Variants in COX7A2L observed in about 807,000 individuals in gnomAD.
COX7A2L encodes the protein cytochrome c oxidase subunit 7A2 like.
A neutral mutation model predicts 14.2 loss-of-function variants in COX7A2L; 18 were observed. The ratio of observed to expected loss-of-function variants is 1.27; its 90% CI spans 0.88 to 1.88. The LOEUF is 1.88. Ranked by LOEUF, COX7A2L falls within the 40% of genes most tolerant of loss-of-function variation. The pLI is 0.00. For missense variants in COX7A2L, 179 were observed against 138.8 expected (o/e 1.29, Z -1.46); for synonymous variants, 65 against 57.4 (o/e 1.13, Z -0.60).
chr2:42,363,602 G>A (rs1434241631), upstream of COX7A2L, among the ~76,000 whole-genome samples: 1 of 152,254 alleles, frequency 6.6e-6, no homozygotes, highest in Non-Finnish European at 1.5e-5. Context: ...CAGTAGCAGA[G>A]TGTGGGTTGG....
intron 1 of COX7A2L, among the ~76,000 whole-genome samples, chr2:42,367,360 G>A (rs746746012): frequency 1.3e-5 from 2 of 152,290 alleles, no homozygotes; most frequent in African/African-American, 4.8e-5. Context: ...AGGTACCAGC[G>A]TGTGTCCACT....
Position 42,335,682 on chromosome 2 carries a change from G to A in COX7A2L, c.193-1813C>T, listed in dbSNP as rs541324559. 3.2e-4 allele frequency among the ~76,000 whole-genome samples: 49 copies of A among 152,354 alleles called. No homozygotes were observed. In the East Asian group the frequency reaches 8.5e-3, roughly 26 times the overall value. ...CTGGCTGAGTTACGAGTTGAAGCCA[G>A]GTACTCCCGCCTCCGGAGTCCGTGC... On this transcript the variant is annotated intron_variant, in intron 2 of 2. Coordinates refer to the COX7A2L transcript ENST00000468711.
upstream of COX7A2L, among the ~76,000 whole-genome samples, chr2:42,362,298 A>T (rs1671075893): frequency 6.6e-6 from 1 of 152,164 alleles, no homozygotes; most frequent in African/African-American, 2.4e-5. Context: ...CCAGGGATGG[A>T]CTCAGGCTTT....
At chr2:42,354,625 C>T (rs1255297928) in intron 1 of COX7A2L, among the ~76,000 whole-genome samples, 2 of 152,154 alleles carry the variant, frequency 1.3e-5, no homozygotes, top group African/African-American at 4.8e-5. Flanking sequence ...TCCCACCAGG[C>T]AAGCACTAGA....
chr2:42,353,963 A>G (rs772479449), intron 1 of COX7A2L, among the ~76,000 whole-genome samples: 7 of 152,230 alleles, frequency 4.6e-5, no homozygotes, highest in Non-Finnish European at 1.0e-4. Context: ...CCTCTAAAAC[A>G]TTACGCTGAG....
At chr2:42,355,046 T>G (rs927073133) in intron 1 of COX7A2L, among the ~76,000 whole-genome samples, 10 of 152,206 alleles carry the variant, frequency 6.6e-5, no homozygotes, top group Non-Finnish European at 1.3e-4. Context: ...CAGGCCTTTC[T>G]CAAGTCCAGA....
intron 2 of COX7A2L, chr2:42,352,940 C>CAATTATTG: frequency 6.1e-6 from 3 of 494,088 alleles, no homozygotes. Context: ...ATTGCTTCTT[C>CAATTATTG]CATGCAATAA....
chr2:42,367,551 T>G (rs1029062932), intron 1 of COX7A2L, among the ~76,000 whole-genome samples: 35 of 152,204 alleles, frequency 2.3e-4, no homozygotes, highest in Non-Finnish European at 1.2e-4. Flanking sequence ...AATCTCCTCC[T>G]TAAAAGAAAG....
rs1259992189 is a variant in COX7A2L at position 42,350,158 on chromosome 2, T to C, written c.*1061A>G. On this transcript the variant is annotated 3_prime_UTR_variant, in exon 3 of 3. Transcript: ENST00000234301. The stretch of plus-strand genomic sequence containing the variant: ...AGCAAGAGGTCACTGTTCTGTGCTA[T>C]GGTAAGATACAAACTATTCCTTCAT... The C allele has an allele frequency of 6.6e-6, 1 of 152,240 alleles. No individual in the cohort carries two copies. Among genetic ancestry groups the C allele is most frequent in the Non-Finnish European group, 1.5e-5 (1 of 68,044 alleles). The allele number at this position is 152,240 out of a possible 1,614,324, so 9.4% of individuals were successfully genotyped here.
chr2:42,354,618 C>T (rs1377457270), intron 1 of COX7A2L, among the ~76,000 whole-genome samples: 2 of 152,140 alleles, frequency 1.3e-5, no homozygotes, highest in East Asian at 3.8e-4. Flanking sequence ...ATGCTACTCC[C>T]ACCAGGCAAG....
intron 1 of COX7A2L, among the ~76,000 whole-genome samples, chr2:42,360,196 G>A (rs534706165): frequency 6.6e-6 from 1 of 152,278 alleles, no homozygotes; most frequent in African/African-American, 2.4e-5. Context: ...GGATTAGGAG[G>A]GAATATACTA....
At chr2:42,349,123 G>T (rs1323837905), downstream of COX7A2L, among the ~76,000 whole-genome samples, 2 of 152,096 alleles carry the variant, frequency 1.3e-5, no homozygotes, top group African/African-American at 2.4e-5. Flanking sequence ...AGATACCCAA[G>T]AGAAATGAAA....
At chr2:42,341,927 C>A (rs1203118990) in intron 2 of COX7A2L, among the ~76,000 whole-genome samples, 1 of 152,150 alleles carries the variant, frequency 6.6e-6, no homozygotes, top group Non-Finnish European at 1.5e-5. Flanking sequence ...CACCACTGAA[C>A]TTTGAAGACA....
chr2:42,351,580 G>T (rs1670646373), intron 2 of COX7A2L, among the ~76,000 whole-genome samples: 1 of 152,186 alleles, frequency 6.6e-6, no homozygotes, highest in African/African-American at 2.4e-5. Flanking sequence ...AAGCATGCAT[G>T]CAAAAGATTC....
chr2:42,367,485 G>GA lies in COX7A2L; in HGVS notation c.-688+1382dup, dbSNP rs199599535. ...TAGTCTAGGAAACAAAACCTATAAA[G>GA]AAAAAAAAAGCTAGGAGGAAGTTAT... On this transcript the variant is annotated intron_variant, in intron 1 of 3. Coordinates refer to the COX7A2L transcript ENST00000378669. Among the ~76,000 whole-genome samples, 16 of 150,300 alleles carry GA rather than the reference G, an allele frequency of 1.1e-4. No homozygotes were observed. In the East Asian group the frequency reaches 2.1e-3, roughly 20 times the overall value.
At chr2:42,353,584 C>T (rs528524728) in intron 1 of COX7A2L, among the ~76,000 whole-genome samples, 1 of 152,274 alleles carries the variant, frequency 6.6e-6, no homozygotes, top group East Asian at 1.9e-4. Flanking sequence ...TCTTAGCAAC[C>T]AGTAAAACAT....
At chr2:42,344,693 A>C (rs1009202368), downstream of COX7A2L, among the ~76,000 whole-genome samples, 2 of 152,102 alleles carry the variant, frequency 1.3e-5, no homozygotes, top group Admixed American at 1.3e-4. Context: ...TCTACTAAAA[A>C]TACGAAAAAT....
chr2:42,349,297 A>G (rs923370462), downstream of COX7A2L: 1 of 152,220 alleles, frequency 6.6e-6, no homozygotes, highest in African/African-American at 2.4e-5. Flanking sequence ...TCATGCCACA[A>G]CATGGATGAG....
chr2:42,356,949 T>C (rs766353812), intron 1 of COX7A2L, among the ~76,000 whole-genome samples: 8 of 152,198 alleles, frequency 5.3e-5, no homozygotes, highest in Admixed American at 2.0e-4. Flanking sequence ...AAGTGGCCCA[T>C]AGATCAAGAA....
Sources: allele counts gnomAD v4.1 joint callset (sites outside exome capture counted in the v4.1 genomes callset), GRCh38; gene constraint gnomAD v4.1.1; transcripts MANE v1.5; gene names NCBI Gene and HGNC (gene_info 2026-07-23, HGNC 2026-07-21).